Variants in CACNA2D2 observed in about 807,000 individuals in gnomAD.
CACNA2D2 encodes calcium voltage-gated channel auxiliary subunit alpha2delta 2.
Under a neutral mutation model 166.4 loss-of-function variants are expected in CACNA2D2, and 48 were observed. That is an observed-to-expected ratio of 0.29 (90% CI 0.23 to 0.37). CACNA2D2 has a LOEUF of 0.37. Ranked by LOEUF, CACNA2D2 falls within the 10% of genes least tolerant of loss-of-function variation. The pLI is 1.00. For synonymous variants in CACNA2D2, 561 were observed against 573.7 expected (o/e 0.98, Z 0.32); for missense variants, 1,122 against 1,433.0 (o/e 0.78, Z 3.50).
intron 2 of CACNA2D2, among the ~76,000 whole-genome samples, chr3:50,464,560 A>G (rs1366835490): frequency 6.6e-6 from 1 of 152,172 alleles, no homozygotes; most frequent in Non-Finnish European, 1.5e-5. Context: ...CACAGCCCAC[A>G]TAAAAGCTGT....
intron 2 of CACNA2D2, among the ~76,000 whole-genome samples, chr3:50,454,343 T>C (rs769844188): frequency 8.5e-5 from 13 of 152,168 alleles, no homozygotes; most frequent in African/African-American, 1.2e-4. Flanking sequence ...TGGGCGTTGA[T>C]GGGGGAGACT....
chr3:50,366,074 A>G lies in CACNA2D2; in HGVS notation c.2799T>C (p.Tyr933=). Residue 933 remains tyrosine (Y), a synonymous_variant, in exon 32 of 38, where the codon TAT becomes TAC. Coordinates refer to ENST00000424201, the MANE Select transcript of CACNA2D2 (RefSeq NM_006030.4). The surrounding 1 kb of genome is among the most constrained non-coding windows in gnomAD (Gnocchi z 5.9). ...GGGGCTGAGGGGCACAGGCTGCCTG[A>G]TAGTCATAGGACTCCTTGCGGGTGT... is the stretch of plus-strand genomic sequence containing the variant. The part of the protein sequence containing the change: ...SFYTRKESYD[Y]QAACAPQPPG... 2 of 1,613,802 alleles carry G rather than the reference A, an allele frequency of 1.2e-6. No homozygotes were observed. Among genetic ancestry groups the G allele is most frequent in the African/African-American group, 2.7e-5 (2 of 75,006 alleles).
chr3:50,455,379 G>A (rs950293882), intron 2 of CACNA2D2, among the ~76,000 whole-genome samples: 3 of 152,170 alleles, frequency 2.0e-5, no homozygotes, highest in Non-Finnish European at 2.9e-5. Context: ...ACAGGGAGAC[G>A]TCAAAGCCGC....
At chr3:50,399,131 C>T (rs1196789430) in intron 3 of CACNA2D2, among the ~76,000 whole-genome samples, 1 of 152,078 alleles carries the variant, frequency 6.6e-6, no homozygotes, top group African/African-American at 2.4e-5. Context: ...TCTTGGGTGC[C>T]CCCACCTTCT....
Position 50,476,146 on chromosome 3 carries a change from A to G in CACNA2D2, c.260T>C (p.Ile87Thr), listed in dbSNP as rs369985959. The change falls in exon 2 of 38, where the codon ATT (isoleucine) becomes ACT (threonine). Residue 87 changes from isoleucine (I) to threonine (T), a missense_variant. Physicochemically the swap from Ile to Thr is moderately conservative, Grantham distance 89. Around this residue, in one of 2 missense-constraint regions of CACNA2D2, gnomAD observed 840 missense variants for 1,166.8 expected, o/e 0.72. Transcript: ENST00000424201. ...LEQEVDGVMRIFGGVQQLREI... is the reference protein window; with the variant it reads ...LEQEVDGVMRTFGGVQQLREI... ...ACGGAGCTGCTGGACGCCTCCAAAA[A>G]TCCGCATCACGCCGTCGACCTCCTG... 8 of 1,603,072 alleles carry G rather than the reference A, an allele frequency of 5.0e-6. No homozygotes were observed. The highest frequency in any genetic ancestry group is 6.8e-6 in the Non-Finnish European group (8 of 1,175,412).
chr3:50,384,861 C>A (rs1272424221), intron 5 of CACNA2D2, among the ~76,000 whole-genome samples: 1 of 152,242 alleles, frequency 6.6e-6, no homozygotes, highest in Non-Finnish European at 1.5e-5. Context: ...AGGGCACTAT[C>A]CCCTGCAGCC....
In CACNA2D2 at chr3:50,384,322, C is replaced by T. The variant is rs1195287453; in HGVS notation, c.526G>A (p.Glu176Lys). 6.2e-7 allele frequency: 1 copy of T among 1,613,658 alleles called. No homozygotes were observed. The highest frequency in any genetic ancestry group is 1.1e-5 in the South Asian group (1 of 91,080). The change falls in exon 6 of 38, where the codon GAG (glutamate) becomes AAG (lysine). Residue 176 changes from glutamate (E) to lysine (K), a missense_variant. By Grantham distance (56) the Glu-to-Lys change is moderately conservative. Around this residue, in one of 2 missense-constraint regions of CACNA2D2, gnomAD observed 840 missense variants for 1,166.8 expected, o/e 0.72. Coordinates refer to ENST00000424201, the MANE Select transcript of CACNA2D2 (RefSeq NM_006030.4). ...ADAELDDPESEDVERGSKAST... is the reference protein window; with the variant it reads ...ADAELDDPESKDVERGSKAST... ...GCCTTAGACCCCCTTTCCACATCCT[C>T]ACTCTCAGGGTCGTCCTGCAGAAAG...
intron 3 of CACNA2D2, among the ~76,000 whole-genome samples, chr3:50,425,212 C>A (rs1395350080): frequency 6.6e-6 from 1 of 152,218 alleles, no homozygotes; most frequent in Non-Finnish European, 1.5e-5. Context: ...CCAGGCCAAA[C>A]CTTCCAGGTT....
intron 23 of CACNA2D2, 135 bp from the exon 24 acceptor site, chr3:50,368,370 G>A (rs938600027): frequency 3.0e-6 from 2 of 667,742 alleles, no homozygotes; most frequent in South Asian, 3.4e-5. Flanking sequence ...GGTTCTTCCT[G>A]GCTGCAGCTG....
intron 2 of CACNA2D2, among the ~76,000 whole-genome samples, chr3:50,454,458 G>A (rs577086765): frequency 6.6e-6 from 1 of 152,152 alleles, no homozygotes; most frequent in East Asian, 1.9e-4. Flanking sequence ...ATCTCTCTCT[G>A]CCGAGTCCTT....
intron 5 of CACNA2D2, among the ~76,000 whole-genome samples, chr3:50,385,080 C>T (rs1705520697): frequency 6.6e-6 from 1 of 152,234 alleles, no homozygotes; most frequent in South Asian, 2.1e-4. Flanking sequence ...TGGGCATGCA[C>T]CGTGCGCCCC....
At chr3:50,368,280 C>G in intron 23 of CACNA2D2, 45 bp from the exon 24 acceptor site, 1 of 1,232,188 alleles carries the variant, frequency 8.1e-7, no homozygotes. Context: ...GGGGGCTGGA[C>G]AGGGCAATGG....
intron 2 of CACNA2D2, among the ~76,000 whole-genome samples, chr3:50,457,341 G>A (rs1709404756): frequency 6.6e-6 from 1 of 152,156 alleles, no homozygotes; most frequent in Non-Finnish European, 1.5e-5. Flanking sequence ...CTCTCGAAAT[G>A]CCATCAGGGA....
chr3:50,433,347 G>A (rs374022656), intron 3 of CACNA2D2, among the ~76,000 whole-genome samples: 1 of 151,036 alleles, frequency 6.6e-6, no homozygotes, highest in Non-Finnish European at 1.5e-5. Context: ...ACTTTATTCC[G>A]TTTTTTTTGT....
At position 50,365,599 on chromosome 3, in the gene CACNA2D2, G is replaced by C; in HGVS notation, c.2971+34C>G. On this transcript the variant is annotated intron_variant, in intron 34 of 37. Transcript: ENST00000424201. The surrounding 1 kb of genome is among the most constrained non-coding windows in gnomAD (Gnocchi z 4.5). ...TCGTCTTAGCTCAGATTGGGGACCC[G>C]GACTTGAGGAGGCGCCTCCAAAGCC... 6.4e-7 allele frequency: 1 copy of C among 1,573,216 alleles called. No individual in the cohort carries two copies. The highest frequency in any genetic ancestry group is 8.6e-7 in the Non-Finnish European group (1 of 1,158,868).
chr3:50,412,893 T>TG (rs1340832375), intron 3 of CACNA2D2, among the ~76,000 whole-genome samples: 4 of 152,118 alleles, frequency 2.6e-5, no homozygotes, highest in South Asian at 4.1e-4. Flanking sequence ...CATCTCAGCC[T>TG]GGGGGGGTGC....
intron 6 of CACNA2D2, 124 bp from the exon 7 acceptor site, chr3:50,381,250 C>T: frequency 8.6e-7 from 1 of 1,162,908 alleles, no homozygotes; most frequent in East Asian, 2.4e-5. Flanking sequence ...CTATCCAGGC[C>T]CTCCCTATTT....
rs1005665376 is a variant in CACNA2D2 at position 50,382,290 on chromosome 3, C to A, written c.653-1164G>T. 1.5e-4 allele frequency among the ~76,000 whole-genome samples: 23 copies of A among 152,174 alleles called. 1 individual carries two copies. The highest frequency in any genetic ancestry group is 5.9e-5 in the Non-Finnish European group (4 of 68,022). On this transcript the variant is annotated intron_variant, in intron 6 of 37. Coordinates refer to ENST00000424201, the MANE Select transcript of CACNA2D2 (RefSeq NM_006030.4). ...CTCTTTCTTCCCATGTGGAGCCCAG[C>A]CACCGTCACCCCGTACAGGGATCCC...
In CACNA2D2 at chr3:50,379,855, G is replaced by A. The variant is rs1705211494; in HGVS notation, c.894-31C>T. On this transcript the variant is annotated intron_variant, in intron 9 of 37. Transcript: ENST00000424201. The surrounding 1 kb of genome is among the most constrained non-coding windows in gnomAD (Gnocchi z 6.5). The stretch of plus-strand genomic sequence containing the variant: ...GAGGTCAGGCAGGGGACGTGGAGGA[G>A]CCAGGGGAACCTCACGTGTTCTCCT... 6.2e-7 allele frequency: 1 copy of A among 1,612,292 alleles called. No homozygotes were observed. Among genetic ancestry groups the A allele is most frequent in the Non-Finnish European group, 8.5e-7 (1 of 1,178,574 alleles).
Sources: gnomAD v4.1 joint callset for allele counts (sites outside exome capture counted in the v4.1 genomes callset) on GRCh38, gnomAD v4.1.1 for gene constraint, gnomAD v4.1.1 regional missense constraint, Gnocchi (gnomAD v3.1) non-coding constraint, MANE v1.5 for transcripts, NCBI Gene and HGNC (gene_info 2026-07-23, HGNC 2026-07-21) for gene names.